Variants in CEP63 observed in about 807,000 individuals in gnomAD.
CEP63 encodes the protein centrosomal protein 63, also known as centrosomal protein of 63 kDa.
Under a neutral mutation model 89.1 loss-of-function variants are expected in CEP63, and 84 were observed. That is an observed-to-expected ratio of 0.94 (90% CI 0.79 to 1.13). The LOEUF (loss-of-function observed/expected upper bound fraction) is 1.13, where lower values mean the gene tolerates loss of function less well. Ranked by LOEUF, CEP63 falls within the 50% of genes most tolerant of loss-of-function variation. The pLI is 0.00. For missense variants in CEP63, 838 were observed against 813.3 expected, an observed-to-expected ratio of 1.03 and a Z score of -0.37; for synonymous variants, 267 against 272.5, an observed-to-expected ratio of 0.98 and a Z score of 0.20.
chr3:134,720,912 G>A, the CEP63 span, among the ~76,000 whole-genome samples: 3 of 152,086 alleles, frequency 2.0e-5, no homozygotes, highest in Non-Finnish European at 2.9e-5. Context: ...GGAAGTGTGA[G>A]TCTTCCAACT....
chr3:134,487,477 G>A (rs944099662), intron 1 of CEP63, among the ~76,000 whole-genome samples: 1 of 152,228 alleles, frequency 6.6e-6, no homozygotes, highest in African/African-American at 2.4e-5. Flanking sequence ...AATGGTGGAA[G>A]ACCTTTGCTT....
At chr3:134,604,838 G>A in the CEP63 span, among the ~76,000 whole-genome samples, 1 of 152,216 alleles carries the variant, frequency 6.6e-6, no homozygotes, top group African/African-American at 2.4e-5. Context: ...TCATGGGTCA[G>A]GAGGGGCACC....
At chr3:134,486,005 C>T, upstream of CEP63, 2 of 985,012 alleles carry the variant, frequency 2.0e-6, no homozygotes, top group Non-Finnish European at 2.4e-6. Context: ...CCCCCCCCTC[C>T]CCCGCATCAC....
chr3:134,690,743 A>ATTTTTTTTTTTTTTTTTTTTTTTTTTT, the CEP63 span, among the ~76,000 whole-genome samples: 4 of 120,794 alleles, frequency 3.3e-5, no homozygotes, highest in Admixed American at 8.3e-5. Flanking sequence ...GAAGACCAAG[A>ATTTTTTTTTTTTTTTTTTTTTTTTTTT]TTTTTTTTTT....
the CEP63 span, among the ~76,000 whole-genome samples, chr3:134,666,124 A>T: frequency 1.3e-5 from 2 of 152,116 alleles, no homozygotes; most frequent in African/African-American, 2.4e-5. Context: ...CATCAAAGTG[A>T]GGGTAGAGAG....
the CEP63 span, among the ~76,000 whole-genome samples, chr3:134,776,645 G>A: frequency 6.6e-6 from 1 of 152,178 alleles, no homozygotes; most frequent in Non-Finnish European, 1.5e-5. Context: ...CGCTCTTCTT[G>A]GTTTGGGGCA....
chr3:134,717,378 C>T, the CEP63 span, among the ~76,000 whole-genome samples: 15 of 152,210 alleles, frequency 9.9e-5, no homozygotes, highest in African/African-American at 1.7e-4. Flanking sequence ...CCCATCCACA[C>T]GTGTGCATGT....
the CEP63 span, among the ~76,000 whole-genome samples, chr3:134,620,394 G>T: frequency 6.6e-6 from 1 of 152,128 alleles, no homozygotes; most frequent in Non-Finnish European, 1.5e-5. Context: ...CCCACCAATG[G>T]TAATCCTTCT....
the CEP63 span, among the ~76,000 whole-genome samples, chr3:134,662,069 G>C: frequency 6.6e-6 from 1 of 152,224 alleles, no homozygotes; most frequent in Non-Finnish European, 1.5e-5. Context: ...CTGAGGTCAG[G>C]AGTTCGAGAC....
intron 11 of CEP63, 128 bp downstream of exon 11, chr3:134,550,388 T>C (rs1954541528): frequency 1.1e-6 from 1 of 916,128 alleles, no homozygotes; most frequent in South Asian, 1.5e-5. Context: ...GCTGAGAGTA[T>C]GCTGGCTAGC....
chr3:134,694,971 C>G, the CEP63 span, among the ~76,000 whole-genome samples: 410 of 152,252 alleles, frequency 2.7e-3, no homozygotes, highest in Non-Finnish European at 4.2e-3. Flanking sequence ...TGGAAGATGG[C>G]TGGACAAGAC....
At chr3:134,639,075 T>TTG in the CEP63 span, among the ~76,000 whole-genome samples, 15 of 151,356 alleles carry the variant, frequency 9.9e-5, 1 homozygote, top group South Asian at 1.7e-3. Context: ...TTGGAGTTTT[T>TTG]TTTTTTTTTT....
At chr3:134,712,989 A>G in the CEP63 span, among the ~76,000 whole-genome samples, 1 of 152,158 alleles carries the variant, frequency 6.6e-6, no homozygotes, top group African/African-American at 2.4e-5. Context: ...TCTGGAGTAA[A>G]ATGCTCCAGT....
the CEP63 span, among the ~76,000 whole-genome samples, chr3:134,621,696 A>G: frequency 6.6e-6 from 1 of 152,212 alleles, no homozygotes; most frequent in African/African-American, 2.4e-5. Context: ...CACAAGCAAC[A>G]AAGGAAAAAA....
chr3:134,637,862 C>A, the CEP63 span, among the ~76,000 whole-genome samples: 1 of 152,188 alleles, frequency 6.6e-6, no homozygotes, highest in African/African-American at 2.4e-5. Flanking sequence ...CTGTTAAAGC[C>A]CCTCCAGGGC....
the CEP63 span, among the ~76,000 whole-genome samples, chr3:134,753,728 T>A: frequency 6.6e-6 from 1 of 152,190 alleles, no homozygotes; most frequent in Non-Finnish European, 1.5e-5. Flanking sequence ...AGGTAGATAA[T>A]TCTGACGCAT....
At chr3:134,696,048 C>T in the CEP63 span, among the ~76,000 whole-genome samples, 1 of 152,228 alleles carries the variant, frequency 6.6e-6, no homozygotes, top group Non-Finnish European at 1.5e-5. Flanking sequence ...TTGCTTTCCA[C>T]CTTGTCTGCC....
chr3:134,556,221 C>T (rs1180644660), intron 12 of CEP63, among the ~76,000 whole-genome samples: 6 of 151,554 alleles, frequency 4.0e-5, no homozygotes, highest in Admixed American at 3.3e-4. Flanking sequence ...TGGGCAAGGA[C>T]TTCATGTCTA....
chr3:134,517,437 G>A (rs1047713657), intron 3 of CEP63, among the ~76,000 whole-genome samples: 1 of 152,124 alleles, frequency 6.6e-6, no homozygotes, highest in African/African-American at 2.4e-5. Context: ...ACAAACATAA[G>A]AATATAGATT....
Sources: allele counts gnomAD v4.1 joint callset (sites outside exome capture counted in the v4.1 genomes callset), GRCh38; gene constraint gnomAD v4.1.1; transcripts MANE v1.5; gene names NCBI Gene and HGNC (gene_info 2026-07-23, HGNC 2026-07-21).